SEMA3E: variants seen among roughly 807,000 people sequenced by gnomAD.
SEMA3E encodes semaphorin-3E.
In SEMA3E, 49 loss-of-function variants were observed where a neutral mutation model predicts 93.6. That is an observed-to-expected ratio of 0.52 (90% CI 0.42 to 0.66). The LOEUF (loss-of-function observed/expected upper bound fraction) is 0.66. SEMA3E is among the 30% of genes least tolerant of loss of function. SEMA3E has a pLI of 0.00. For missense variants in SEMA3E, 906 were observed against 964.8 expected (o/e 0.94, Z 0.81); for synonymous variants, 363 against 330.7 (o/e 1.10, Z -1.06).
intron 1 of SEMA3E, among the ~76,000 whole-genome samples, chr7:83,527,191 A>G (rs201727813): frequency 2.0e-5 from 3 of 151,554 alleles, no homozygotes; most frequent in East Asian, 3.9e-4. Flanking sequence ...GTGGGGGGGA[A>G]AAAAAGGTTT....
Position 83,385,312 on chromosome 7 carries a change from A to T in SEMA3E, c.1857T>A (p.Arg619=), listed in dbSNP as rs762483567. 1 of 1,613,176 alleles carries T rather than the reference A, an allele frequency of 6.2e-7. No individual in the cohort carries two copies. The highest frequency in any genetic ancestry group is 8.5e-7 in the Non-Finnish European group (1 of 1,179,468). ...AKVIWFVQKG[R]ETRKEEVKTD... ...GAATTACCTCCTCTTTTCTTGTCTC[A>T]CGTCCTTTCTGTACAAACCAGATAA... The change falls in exon 16 of 17, where the codon CGT becomes CGA. Residue 619 remains arginine (R), a synonymous_variant. Coordinates refer to ENST00000643230, the MANE Select transcript of SEMA3E (RefSeq NM_012431.3).
chr7:83,506,273 G>A (rs1046134434), intron 1 of SEMA3E, among the ~76,000 whole-genome samples: 2 of 151,902 alleles, frequency 1.3e-5, no homozygotes, highest in African/African-American at 4.8e-5. Context: ...ACACAATACA[G>A]TATTATTCAG....
chr7:83,417,566 A>G (rs1788578455), intron 5 of SEMA3E, among the ~76,000 whole-genome samples: 1 of 152,124 alleles, frequency 6.6e-6, no homozygotes, highest in Non-Finnish European at 1.5e-5. Flanking sequence ...CATCTGCACC[A>G]TACATGCATC....
At chr7:83,628,526 T>G (rs534790614) in intron 1 of SEMA3E, among the ~76,000 whole-genome samples, 1 of 151,908 alleles carries the variant, frequency 6.6e-6, no homozygotes, top group East Asian at 2.0e-4. Flanking sequence ...CATGCTTTAT[T>G]TAATTAAGTT....
chr7:83,582,583 A>G (rs1392306647), intron 1 of SEMA3E, among the ~76,000 whole-genome samples: 1 of 152,154 alleles, frequency 6.6e-6, no homozygotes, highest in Non-Finnish European at 1.5e-5. Flanking sequence ...TAAATGGCTG[A>G]TGAAAGCAAA....
intron 1 of SEMA3E, among the ~76,000 whole-genome samples, chr7:83,539,060 T>C (rs1791464737): frequency 2.6e-5 from 4 of 151,778 alleles, no homozygotes; most frequent in Admixed American, 6.6e-5. Context: ...TAGGTGGGGC[T>C]TTTCAGTTTA....
chr7:83,448,423 G>C lies in SEMA3E; in HGVS notation c.456+18059C>G, dbSNP rs910005115. ...GTGCTTTGGGAGGCTGAAGTGGGAG[G>C]ATCTCTTGAGGCTAGGAGTTCAGGG... On this transcript the variant is annotated intron_variant, in intron 4 of 16. Coordinates refer to ENST00000643230, the MANE Select transcript of SEMA3E (RefSeq NM_012431.3). Among the ~76,000 whole-genome samples, 70 of 152,090 alleles carry C rather than the reference G, an allele frequency of 4.6e-4. 1 individual carries two copies. Among genetic ancestry groups the C allele is most frequent in the African/African-American group, 1.7e-3 (69 of 41,382 alleles).
chr7:83,513,850 T>C (rs1039157700), intron 1 of SEMA3E, among the ~76,000 whole-genome samples: 1 of 152,166 alleles, frequency 6.6e-6, no homozygotes, highest in African/African-American at 2.4e-5. Flanking sequence ...AATATAAATG[T>C]ACCATTGTCA....
intron 1 of SEMA3E, among the ~76,000 whole-genome samples, chr7:83,643,647 A>T (rs1584383697): frequency 2.6e-5 from 4 of 152,162 alleles, no homozygotes; most frequent in African/African-American, 9.6e-5. Context: ...AAATGCAAAT[A>T]ATAGCACTCT....
intron 1 of SEMA3E, among the ~76,000 whole-genome samples, chr7:83,510,632 A>G (rs1325674135): frequency 6.6e-6 from 1 of 152,210 alleles, no homozygotes; most frequent in Non-Finnish European, 1.5e-5. Context: ...CTCTCCACAG[A>G]GAAAAAGGAT....
intron 1 of SEMA3E, among the ~76,000 whole-genome samples, chr7:83,592,022 A>C (rs1278827263): frequency 1.3e-5 from 2 of 152,068 alleles, no homozygotes; most frequent in African/African-American, 4.8e-5. Flanking sequence ...TTTTGTTCCA[A>C]TTGTGAGAAT....
At chr7:83,380,846 GAGAAC>G (rs1262515841) in intron 16 of SEMA3E, among the ~76,000 whole-genome samples, 3 of 151,936 alleles carry the variant, frequency 2.0e-5, no homozygotes, top group African/African-American at 7.2e-5. Flanking sequence ...ACAGAGAGAA[GAGAAC>G]AGAAGGTCCA....
Position 83,366,277 on chromosome 7 carries a change from A to C in SEMA3E, c.*1309T>G, listed in dbSNP as rs2116889784. ...GTGAAAACATCTTACAAAATTTCAT[A>C]TTTTAGAAAGGTAATTGCTAAATAT... On this transcript the variant is annotated 3_prime_UTR_variant, in exon 17 of 17. Coordinates refer to ENST00000643230, the MANE Select transcript of SEMA3E (RefSeq NM_012431.3). 6.6e-6 allele frequency: 1 copy of C among 152,200 alleles called. No individual in the cohort carries two copies. The highest frequency in any genetic ancestry group is 6.5e-5 in the Admixed American group (1 of 15,296). 9.4% of individuals were successfully genotyped at this position (152,200 alleles called of 1,614,324 possible).
chr7:83,468,551 G>GTTT (rs757501000), intron 3 of SEMA3E, among the ~76,000 whole-genome samples: 17 of 146,642 alleles, frequency 1.2e-4, no homozygotes, highest in African/African-American at 3.5e-4. Context: ...CATTTATATA[G>GTTT]TTTTTTTTTT....
intron 4 of SEMA3E, among the ~76,000 whole-genome samples, chr7:83,464,057 A>G (rs1789696309): frequency 6.6e-6 from 1 of 152,136 alleles, no homozygotes; most frequent in Admixed American, 6.5e-5. Flanking sequence ...ACCTCAATAC[A>G]GTCTGATAAC....
At chr7:83,506,555 G>A (rs1219065880) in intron 1 of SEMA3E, among the ~76,000 whole-genome samples, 2 of 151,940 alleles carry the variant, frequency 1.3e-5, no homozygotes, top group Non-Finnish European at 2.9e-5. Flanking sequence ...TGATAGCACA[G>A]CATGGTTAAA....
rs184350961 is a variant in SEMA3E at position 83,539,631 on chromosome 7, G to A, written c.116-49357C>T. ...TTCAGCTTTCCAAACCGTTTTTGCT[G>A]CGAAATCCTTTCTTATGCTTTTTCC... On this transcript the variant is annotated intron_variant, in intron 1 of 16. Transcript: ENST00000643230. Among the ~76,000 whole-genome samples the A allele has an allele frequency of 7.2e-5, 11 of 152,084 alleles. No homozygotes were observed. In the East Asian group the frequency reaches 1.9e-3, roughly 27 times the overall value.
At chr7:83,629,601 A>C (rs531852142) in intron 1 of SEMA3E, among the ~76,000 whole-genome samples, 1 of 152,044 alleles carries the variant, frequency 6.6e-6, no homozygotes, top group African/African-American at 2.4e-5. Flanking sequence ...TGAAGGGAAA[A>C]CCGCCTACTC....
intron 4 of SEMA3E, among the ~76,000 whole-genome samples, chr7:83,465,494 C>T (rs1412314000): frequency 6.6e-6 from 1 of 152,176 alleles, no homozygotes; most frequent in Non-Finnish European, 1.5e-5. Context: ...ATTATATTTG[C>T]ACCTGAGGGT....
Sources: allele counts gnomAD v4.1 joint callset (sites outside exome capture counted in the v4.1 genomes callset), GRCh38; gene constraint gnomAD v4.1.1; transcripts MANE v1.5; gene names NCBI Gene and HGNC (gene_info 2026-07-23, HGNC 2026-07-21).